The following PDZD2 variants were observed in gnomAD, a reference collection of about 807,000 sequenced individuals.
PDZD2 encodes the protein PDZ domain containing 2, also known as PDZ domain-containing protein 2.
Under a neutral mutation model 220.7 loss-of-function variants are expected in PDZD2, and 90 were observed. The observed-to-expected ratio is 0.41, with a 90% confidence interval of 0.34 to 0.49. PDZD2 has a LOEUF of 0.49. Ranked by LOEUF, PDZD2 falls within the 20% of genes least tolerant of loss-of-function variation. The pLI is 0.28. For synonymous variants in PDZD2, 1,375 were observed against 1,450.5 expected, an observed-to-expected ratio of 0.95 and a Z score of 1.18; for missense variants, 3,174 against 3,608.5, an observed-to-expected ratio of 0.88 and a Z score of 3.08.
chr5:31,900,066 G>T (rs930615224), intron 2 of PDZD2, among the ~76,000 whole-genome samples: 3 of 152,210 alleles, frequency 2.0e-5, no homozygotes, highest in Non-Finnish European at 4.4e-5. Flanking sequence ...TAGAGGCGCT[G>T]ACATAATGCC....
At chr5:31,655,697 A>T (rs1745523378) in intron 1 of PDZD2, among the ~76,000 whole-genome samples, 2 of 152,150 alleles carry the variant, frequency 1.3e-5, no homozygotes, top group Admixed American at 6.5e-5. Context: ...TTTCATTTAA[A>T]CACTGATGCC....
At chr5:31,869,407 A>G (rs749341918) in intron 2 of PDZD2, among the ~76,000 whole-genome samples, 1 of 152,068 alleles carries the variant, frequency 6.6e-6, no homozygotes, top group Non-Finnish European at 1.5e-5. Context: ...TTGGCTGCAT[A>G]CAAAAATTAG....
Position 32,048,588 on chromosome 5 carries a change from G to A in PDZD2, c.1569G>A (p.Val523=), listed in dbSNP as rs1738207970. The A allele has an allele frequency of 6.2e-7, 1 of 1,613,982 alleles. No individual in the cohort carries two copies. Among genetic ancestry groups the A allele is most frequent in the South Asian group, 1.1e-5 (1 of 91,076 alleles). The change falls in exon 8 of 25, where the codon GTG becomes GTA. Residue 523 remains valine, a synonymous_variant. Coordinates refer to ENST00000438447, the MANE Select transcript of PDZD2 (RefSeq NM_178140.4). ...ESVEEYNELM[V]RNGDPRIRML... Reference sequence around the variant, plus strand: ...TTGAAGAATATAACGAGCTGATGGTGCGGAATGGGGACCCCCGGATCCGGA... The same window carrying A: ...TTGAAGAATATAACGAGCTGATGGTACGGAATGGGGACCCCCGGATCCGGA...
At chr5:31,811,763 G>A (rs532193322) in intron 2 of PDZD2, among the ~76,000 whole-genome samples, 1 of 152,214 alleles carries the variant, frequency 6.6e-6, no homozygotes, top group South Asian at 2.1e-4. Flanking sequence ...GCCAAGGCAG[G>A]TGGATCACTT....
intron 5 of PDZD2, among the ~76,000 whole-genome samples, chr5:32,004,398 C>T (rs148585712): frequency 3.7e-4 from 57 of 152,168 alleles, no homozygotes; most frequent in Non-Finnish European, 7.4e-4. Context: ...CCATCCTGGG[C>T]AAAATAGTGA....
At chr5:32,051,715 A>G (rs1738570800) in intron 8 of PDZD2, among the ~76,000 whole-genome samples, 1 of 152,188 alleles carries the variant, frequency 6.6e-6, no homozygotes, top group Non-Finnish European at 1.5e-5. Flanking sequence ...CGTGTCAGGA[A>G]GGGAAAGTGT....
At chr5:31,740,382 G>T (rs1159277067) in intron 1 of PDZD2, among the ~76,000 whole-genome samples, 1 of 151,526 alleles carries the variant, frequency 6.6e-6, no homozygotes, top group African/African-American at 2.4e-5. Context: ...AAAATTAGCT[G>T]GGCATGGTGG....
chr5:31,963,454 C>T (rs1222570851), intron 2 of PDZD2, among the ~76,000 whole-genome samples: 3 of 152,124 alleles, frequency 2.0e-5, no homozygotes, highest in South Asian at 4.1e-4. Flanking sequence ...CTGGGAGAGG[C>T]GGGGGCTGTG....
chr5:31,897,230 G>T (rs1029221201), intron 2 of PDZD2, among the ~76,000 whole-genome samples: 1 of 152,046 alleles, frequency 6.6e-6, no homozygotes, highest in Non-Finnish European at 1.5e-5. Context: ...TTGAAATTTA[G>T]GGCACCAGGA....
At chr5:31,946,112 C>T (rs1746608696) in intron 2 of PDZD2, among the ~76,000 whole-genome samples, 1 of 152,226 alleles carries the variant, frequency 6.6e-6, no homozygotes, top group Admixed American at 6.5e-5. Context: ...AAGGGATTCT[C>T]CTGCCTCAAC....
chr5:32,039,308 C>T (rs182363554), intron 7 of PDZD2, among the ~76,000 whole-genome samples: 2 of 151,854 alleles, frequency 1.3e-5, no homozygotes, highest in Non-Finnish European at 2.9e-5. Flanking sequence ...GGTTTCGCCG[C>T]GTTGACCGGG....
chr5:32,065,995 G>A (rs1740178452), intron 14 of PDZD2, among the ~76,000 whole-genome samples: 1 of 151,708 alleles, frequency 6.6e-6, no homozygotes, highest in African/African-American at 2.4e-5. Context: ...TCACACTCCA[G>A]CCTGGGGGAC....
intron 1 of PDZD2, among the ~76,000 whole-genome samples, chr5:31,683,850 AC>A (rs2150124522): frequency 6.6e-6 from 1 of 152,350 alleles, no homozygotes; most frequent in East Asian, 1.9e-4. Flanking sequence ...GATTACTGGA[AC>A]AAAGTCAATA....
chr5:31,981,880 A>G lies in PDZD2; in HGVS notation c.477-1275A>G, dbSNP rs1474526073. Reference sequence around the variant, plus strand: ...CCCAAGCTTTGATGATCCGGTCCCGAATACCCCTAATTACTCATTTCATTT... The same window carrying G: ...CCCAAGCTTTGATGATCCGGTCCCGGATACCCCTAATTACTCATTTCATTT... On this transcript the variant is annotated intron_variant, in intron 2 of 24. Transcript: ENST00000438447. Among the ~76,000 whole-genome samples, 4 of 152,150 alleles carry G rather than the reference A, an allele frequency of 2.6e-5. No individual in the cohort carries two copies. The East Asian group carries it at 7.7e-4, about 29-fold the overall frequency.
intron 2 of PDZD2, among the ~76,000 whole-genome samples, chr5:31,919,435 C>T (rs1305039918): frequency 6.6e-6 from 1 of 151,430 alleles, no homozygotes; most frequent in Non-Finnish European, 1.5e-5. Context: ...CACCCTCTGT[C>T]TCCCAGGTTC....
chr5:32,088,473 G>C lies in PDZD2; in HGVS notation c.5025G>C (p.Glu1675Asp). ...PSSLLEMSSQ[E>D]HETHADISTS... ...CACTCTTGGAGATGAGCTCTCAGGA[G>C]CATGAAACTCATGCGGACATAAGCA... Residue 1675 changes from glutamate to aspartate, a missense_variant, in exon 20 of 25, where the codon GAG (glutamate) becomes GAC (aspartate). Physicochemically the swap from Glu to Asp is conservative, Grantham distance 45. Transcript: ENST00000438447. This position sits in a 1 kb window ranked among gnomAD's most constrained non-coding sequence, Gnocchi z 4.6. 1 of 1,614,100 alleles carries C rather than the reference G, an allele frequency of 6.2e-7. No individual in the cohort carries two copies. Among genetic ancestry groups the C allele is most frequent in the South Asian group, 1.1e-5 (1 of 91,080 alleles).
chr5:31,775,750 A>G (rs925688292), intron 1 of PDZD2, among the ~76,000 whole-genome samples: 4 of 150,236 alleles, frequency 2.7e-5, no homozygotes, highest in South Asian at 2.1e-4. Context: ...TGGCCTTCCA[A>G]CGCTGGTGGA....
At chr5:31,661,554 A>G (rs1034039875) in intron 1 of PDZD2, 1 of 152,166 alleles carries the variant, frequency 6.6e-6, no homozygotes, top group East Asian at 1.9e-4. Context: ...TATAGCACCC[A>G]TTAGCTGACA....
rs149987288 is a variant in PDZD2, at chr5:31,945,140, C to T, written c.477-38015C>T. Among the ~76,000 whole-genome samples, 1,081 of 152,228 alleles carry T rather than the reference C, an allele frequency of 7.1e-3. 13 individuals carry two copies. The highest frequency in any genetic ancestry group is 0.025 in the African/African-American group (1,038 of 41,522). On this transcript the variant is annotated intron_variant, in intron 2 of 24. Coordinates refer to ENST00000438447, the MANE Select transcript of PDZD2 (RefSeq NM_178140.4). Reference sequence around the variant, plus strand: ...GGGAGTAAAAATGTCCCTGTACTTCCGCAGCCCAAGCAGCTCCAGAACCCC... The same window carrying T: ...GGGAGTAAAAATGTCCCTGTACTTCTGCAGCCCAAGCAGCTCCAGAACCCC...
Sources: allele counts gnomAD v4.1 joint callset (sites outside exome capture counted in the v4.1 genomes callset), GRCh38; gene constraint gnomAD v4.1.1; non-coding constraint Gnocchi (gnomAD v3.1); transcripts MANE v1.5; gene names NCBI Gene and HGNC (gene_info 2026-07-23, HGNC 2026-07-21).